LRRC14B: variants seen among roughly 807,000 people sequenced by gnomAD.
The protein encoded by LRRC14B is leucine-rich repeat-containing protein 14B.
A neutral mutation model predicts 16.9 loss-of-function variants in LRRC14B; 23 were observed. The ratio of observed to expected loss-of-function variants is 1.36; its 90% confidence interval spans 0.98 to 1.92. The LOEUF (loss-of-function observed/expected upper bound fraction) is 1.92. Ranked by LOEUF, LRRC14B falls within the 30% of genes most tolerant of loss-of-function variation. The probability of loss-of-function intolerance (pLI) is 0.00; values close to 1 mark genes in which losing one functional copy is unlikely to be tolerated. For missense variants in LRRC14B, 766 were observed against 705.7 expected (o/e 1.09, Z -0.97); for synonymous variants, 358 against 332.5 (o/e 1.08, Z -0.83).
rs757837568 is a variant in LRRC14B at position 194,711 on chromosome 5, C to T, written c.903C>T (p.Pro301=). The change falls in exon 2 of 2, where the codon CCC becomes CCT. Residue 301 remains proline, a synonymous_variant. Coordinates refer to ENST00000328278, the MANE Select transcript of LRRC14B (RefSeq NM_001080478.3). ...LTGKIPTLLG[P]LQTPLRVLDL... is the part of the protein sequence containing the mutation. ...CTCTTTCCCCCGTGTCCTGCAGCCC[C>T]CTACAGACCCCGCTGCGAGTACTGG... 2 of 1,603,936 alleles carry T rather than the reference C, an allele frequency of 1.2e-6. No homozygotes were observed. Among genetic ancestry groups the T allele is most frequent in the South Asian group, 2.3e-5 (2 of 88,734 alleles).
At chr5:193,258 T>G (rs1733844858) in intron 1 of LRRC14B, among the ~76,000 whole-genome samples, 2 of 114,576 alleles carry the variant, frequency 1.7e-5, no homozygotes, top group South Asian at 3.0e-4. Context: ...CACCGGGTGA[T>G]GGGTCCTGGT....
In LRRC14B at chr5:191,942, C is replaced by T; in HGVS notation, c.404C>T (p.Thr135Ile). 1 of 1,516,078 alleles carries T rather than the reference C, an allele frequency of 6.6e-7. No homozygotes were observed. Among genetic ancestry groups the T allele is most frequent in the Non-Finnish European group, 8.8e-7 (1 of 1,134,758 alleles). 93.9% of individuals were successfully genotyped at this position (1,516,078 alleles called of 1,614,324 possible). A position where few individuals can be genotyped will look rare whatever the true frequency, so the allele number is the denominator to read the frequency against. ...CGRALGRWGRTQLLARTCCEL... is the reference protein window; with the variant it reads ...CGRALGRWGRIQLLARTCCEL... ...AGGGCGCTGGGCAGGTGGGGCCGCACCCAGCTGCTGGCCAGGACCTGCTGT... is the reference window on the plus strand; with the variant it reads ...AGGGCGCTGGGCAGGTGGGGCCGCATCCAGCTGCTGGCCAGGACCTGCTGT... The change falls in exon 1 of 2, where the codon ACC (threonine) becomes ATC (isoleucine). Residue 135 changes from threonine (T) to isoleucine (I), a missense_variant. Transcript: ENST00000328278.
chr5:193,918 G>T (rs1052216764), intron 1 of LRRC14B, among the ~76,000 whole-genome samples: 1 of 152,132 alleles, frequency 6.6e-6, no homozygotes, highest in Non-Finnish European at 1.5e-5. Flanking sequence ...TCCCGATGCA[G>T]TTCTGCTCTG....
Position 192,083 on chromosome 5 carries a change from C to A in LRRC14B, c.545C>A (p.Ala182Asp). Reference protein sequence around the residue: ...VVQALRPAGPAPLRVHCPSFR... With the variant: ...VVQALRPAGPDPLRVHCPSFR... ...CAGGCTCTGAGGCCAGCGGGCCCGGCCCCTCTGCGGGTGCACTGCCCCTCG... is the reference window on the plus strand; with the variant it reads ...CAGGCTCTGAGGCCAGCGGGCCCGGACCCTCTGCGGGTGCACTGCCCCTCG... Residue 182 changes from alanine to aspartate, a missense_variant, in exon 1 of 2, where the codon GCC becomes GAC. Physicochemically the swap from Ala to Asp is moderately radical, Grantham distance 126. Coordinates refer to ENST00000328278, the MANE Select transcript of LRRC14B (RefSeq NM_001080478.3). 2 of 1,550,726 alleles carry A rather than the reference C, an allele frequency of 1.3e-6. No individual in the cohort carries two copies. The highest frequency in any genetic ancestry group is 8.7e-7 in the Non-Finnish European group (1 of 1,152,436).
chr5:192,064 C>T lies in LRRC14B; in HGVS notation c.526C>T (p.Leu176=), dbSNP rs745620380. ...CAACTTCGAGGCGGTGGTGCAGGCT[C>T]TGAGGCCAGCGGGCCCGGCCCCTCT... is the stretch of plus-strand genomic sequence containing the variant. ...EGNFEAVVQA[L]RPAGPAPLRV... Residue 176 remains leucine, a synonymous_variant, in exon 1 of 2, where the codon CTG becomes TTG. Transcript: ENST00000328278. 3 of 1,545,808 alleles carry T rather than the reference C, an allele frequency of 1.9e-6. No homozygotes were observed.
chr5:192,184 C>G lies in LRRC14B; in HGVS notation c.646C>G (p.Leu216Val), dbSNP rs946705259. ...GGCTGGCCCGGGTGCCCTGCGCAAG[C>G]TGGAGGTGGTGCACAACGTGCGGCT... ...RLAGPGALRK[L>V]EVVHNVRLHA... The change falls in exon 1 of 2, where the codon CTG becomes GTG. Residue 216 changes from leucine (L) to valine (V), a missense_variant. Leu to Val is a conservative substitution (Grantham distance 32). Transcript: ENST00000328278. 6.2e-7 allele frequency: 1 copy of G among 1,601,360 alleles called. No homozygotes were observed. The highest frequency in any genetic ancestry group is 2.3e-5 in the East Asian group (1 of 44,306).
At position 192,168 on chromosome 5, in the gene LRRC14B, G is replaced by A. The variant is rs771490199; in HGVS notation, c.630G>A (p.Pro210=). 20 of 1,598,914 alleles carry A rather than the reference G, an allele frequency of 1.3e-5. No homozygotes were observed. Among genetic ancestry groups the A allele is most frequent in the African/African-American group, 9.4e-5 (7 of 74,646 alleles). ...QLLHVLRLAG[P]GALRKLEVVH... ...TGCACGTGCTGCGTCTGGCTGGCCC[G>A]GGTGCCCTGCGCAAGCTGGAGGTGG... Residue 210 remains proline (P), a synonymous_variant, in exon 1 of 2, where the codon CCG becomes CCA. Transcript: ENST00000328278.
chr5:194,384 G>C (rs560867386), intron 1 of LRRC14B, among the ~76,000 whole-genome samples: 1 of 152,228 alleles, frequency 6.6e-6, no homozygotes, highest in East Asian at 1.9e-4. Context: ...GAGGACAAAA[G>C]CCAGACCTCT....
Position 191,864 on chromosome 5 carries a change from TG to T in LRRC14B, c.328del (p.Ala110LeufsTer67). ...LQDRSRRRLR[V>X]ADLTGIRDVQ... is the part of the protein sequence containing the mutation. ...GACCGGAGCCGCCGGCGGCTGCGGG[TG>T]GCTGACCTCACGGGCATCCGAGATG... On this transcript the variant is annotated frameshift_variant, in exon 1 of 2. Transcript: ENST00000328278. LOFTEE classifies it high-confidence loss of function. 1 of 1,523,252 alleles carries T rather than the reference TG, an allele frequency of 6.6e-7. No homozygotes were observed. The highest frequency in any genetic ancestry group is 8.8e-7 in the Non-Finnish European group (1 of 1,141,614). The allele number at this position is 1,523,252 out of a possible 1,614,324, so 94.4% of individuals were successfully genotyped here. A position where few individuals can be genotyped will look rare whatever the true frequency, so the allele number is the denominator to read the frequency against.
In LRRC14B at chr5:195,691, C is replaced by T; in HGVS notation, c.*338C>T. 2.9e-6 allele frequency: 1 copy of T among 347,646 alleles called. No individual in the cohort carries two copies. Among genetic ancestry groups the T allele is most frequent in the Non-Finnish European group, 5.3e-6 (1 of 187,414 alleles). The allele number at this position is 347,646 out of a possible 1,614,324, so 21.5% of individuals were successfully genotyped here. ...AGGAGTGGCCGACCTGGCCTCAGCG[C>T]ATCTGGGCACTGGGCGCAAGATGAA... On this transcript the variant is annotated 3_prime_UTR_variant, in exon 2 of 2. Coordinates refer to ENST00000328278, the MANE Select transcript of LRRC14B (RefSeq NM_001080478.3).
Position 192,302 on chromosome 5 carries a change from C to T in LRRC14B, c.764C>T (p.Pro255Leu), listed in dbSNP as rs1320898999. ...TLPTKAFDAP[P>L]TYASTPDGED... ...CCCACCAAGGCCTTTGATGCACCCC[C>T]CACCTACGCCTCCACTCCCGACGGC... The change falls in exon 1 of 2, where the codon CCC becomes CTC. Residue 255 changes from proline (P) to leucine (L), a missense_variant. Pro to Leu is a moderately conservative substitution (Grantham distance 98). Coordinates refer to ENST00000328278, the MANE Select transcript of LRRC14B (RefSeq NM_001080478.3). 1.2e-6 allele frequency: 2 copies of T among 1,600,046 alleles called. No individual in the cohort carries two copies. The highest frequency in any genetic ancestry group is 2.7e-5 in the African/African-American group (2 of 74,342).
intron 1 of LRRC14B, 135 bp from the exon 2 acceptor site, chr5:194,573 T>C: frequency 1.3e-6 from 1 of 753,728 alleles, no homozygotes; most frequent in Non-Finnish European, 2.1e-6. Context: ...ATAGGCTGTA[T>C]GAAATTAGGC....
At chr5:194,198 T>G (rs1733866594) in intron 1 of LRRC14B, among the ~76,000 whole-genome samples, 1 of 151,770 alleles carries the variant, frequency 6.6e-6, no homozygotes, top group Non-Finnish European at 1.5e-5. Flanking sequence ...GCAGACATTC[T>G]GTCCTGTGGT....
chr5:191,688 G>C lies in LRRC14B; in HGVS notation c.150G>C (p.Thr50=). The C allele has an allele frequency of 6.3e-7, 1 of 1,599,370 alleles. No individual in the cohort carries two copies. The highest frequency in any genetic ancestry group is 8.5e-7 in the Non-Finnish European group (1 of 1,173,666). The change falls in exon 1 of 2, where the codon ACG becomes ACC. Residue 50 remains threonine (T), a synonymous_variant. Coordinates refer to ENST00000328278, the MANE Select transcript of LRRC14B (RefSeq NM_001080478.3). Reference sequence around the variant, plus strand: ...ACCTGCTGGAGCAGGCGGAGGTGACGCGCGCGGTGCTGGGGCGCTGGCCCC... The same window carrying C: ...ACCTGCTGGAGCAGGCGGAGGTGACCCGCGCGGTGCTGGGGCGCTGGCCCC... The part of the protein sequence containing the change: ...ASYLLEQAEV[T]RAVLGRWPLE...
Position 195,003 on chromosome 5 carries a change from C to G in LRRC14B, c.1195C>G (p.Pro399Ala). 6.2e-7 allele frequency: 1 copy of G among 1,613,316 alleles called. No individual in the cohort carries two copies. Among genetic ancestry groups the G allele is most frequent in the Non-Finnish European group, 8.5e-7 (1 of 1,179,842 alleles). The change falls in exon 2 of 2, where the codon CCG (proline) becomes GCG (alanine). Residue 399 changes from proline (P) to alanine (A), a missense_variant. Transcript: ENST00000328278. The stretch of plus-strand genomic sequence containing the variant: ...GCGCCAGCTCAAGTTCCTCGGGAAC[C>G]CGCTGTCGGCCCGCGCCCTCCGGCG... ...RLRQLKFLGN[P>A]LSARALRRLF...
Position 195,225 on chromosome 5 carries a change from T to C in LRRC14B, c.1417T>C (p.Ser473Pro). 6.2e-7 allele frequency: 1 copy of C among 1,613,664 alleles called. No homozygotes were observed. ...LRADREDIQV[S>P]TPLFGSFDPD... ...GGCTGACCGAGAGGACATCCAAGTC[T>C]CCACACCTCTCTTTGGAAGTTTTGA... Residue 473 changes from serine to proline, a missense_variant, in exon 2 of 2, where the codon TCC (serine) becomes CCC (proline). By Grantham distance (74) the Ser-to-Pro change is moderately conservative. Transcript: ENST00000328278.
chr5:195,428 G>A lies in LRRC14B; in HGVS notation c.*75G>A. 1 of 1,367,824 alleles carries A rather than the reference G, an allele frequency of 7.3e-7. No homozygotes were observed. The highest frequency in any genetic ancestry group is 9.9e-7 in the Non-Finnish European group (1 of 1,010,186). The allele number at this position is 1,367,824 out of a possible 1,614,324, so 84.7% of individuals were successfully genotyped here. ...CCCGGGCTTTAGTCCTGGATCTGAG[G>A]CTTGGGCCCGGCATTCATCCCCACC... On this transcript the variant is annotated 3_prime_UTR_variant, in exon 2 of 2. Transcript: ENST00000328278.
chr5:193,290 C>CG (rs1288851709), intron 1 of LRRC14B, among the ~76,000 whole-genome samples: 1 of 87,178 alleles, frequency 1.1e-5, no homozygotes, highest in Non-Finnish European at 2.3e-5. Context: ...GCGGTGGGTC[C>CG]GGGGGGCACC....
rs1733901833 is a variant in LRRC14B, at chr5:195,511, G to A, written c.*158G>A. On this transcript the variant is annotated 3_prime_UTR_variant, in exon 2 of 2. Transcript: ENST00000328278. The stretch of plus-strand genomic sequence containing the variant: ...ATTGTAGGCGAGCCTGTTAAGCGTT[G>A]TAGAAGAGGAAGCCTTCCAGGAGAG... Among the ~76,000 whole-genome samples, 1 of 152,218 alleles carries A rather than the reference G, an allele frequency of 6.6e-6. No individual in the cohort carries two copies. The highest frequency in any genetic ancestry group is 1.5e-5 in the Non-Finnish European group (1 of 68,038).
Sources: gnomAD v4.1 joint callset for allele counts (sites outside exome capture counted in the v4.1 genomes callset) on GRCh38, gnomAD v4.1.1 for gene constraint, MANE v1.5 for transcripts, NCBI Gene and HGNC (gene_info 2026-07-23, HGNC 2026-07-21) for gene names.